The following RPTOR variants were observed in gnomAD, a reference collection of about 807,000 sequenced individuals.
The protein encoded by RPTOR is regulatory associated protein of MTOR complex 1, also known as regulatory-associated protein of mTOR.
RPTOR carries 21 observed loss-of-function variants against 169.9 expected under a neutral mutation model. The observed-to-expected ratio is 0.12, with a 90% CI of 0.09 to 0.18. RPTOR has a LOEUF of 0.18. Ranked by LOEUF, RPTOR falls within the 10% of genes least tolerant of loss-of-function variation. RPTOR has a pLI of 1.00. For missense variants in RPTOR, 1,133 were observed against 1,855.9 expected (o/e 0.61, Z 7.16); for synonymous variants, 732 against 753.2 (o/e 0.97, Z 0.46).
intron 1 of RPTOR, among the ~76,000 whole-genome samples, chr17:80,554,709 A>G (rs553717798): frequency 6.6e-6 from 1 of 152,058 alleles, no homozygotes; most frequent in South Asian, 2.1e-4. Context: ...GCGCCACTGC[A>G]CTCCAGCCTG....
intron 7 of RPTOR, among the ~76,000 whole-genome samples, chr17:80,809,476 C>A (rs569624291): frequency 2.8e-4 from 42 of 152,372 alleles, no homozygotes; most frequent in African/African-American, 9.9e-4. Flanking sequence ...CAGGCGTGAG[C>A]TACCGCGTCC....
At chr17:80,874,267 G>A (rs1033752074) in intron 13 of RPTOR, among the ~76,000 whole-genome samples, 1 of 151,336 alleles carries the variant, frequency 6.6e-6, no homozygotes. Context: ...CATGATCTCA[G>A]CTCACTGCAA....
chr17:80,927,112 G>A (rs149938381), intron 24 of RPTOR, among the ~76,000 whole-genome samples: 109 of 152,368 alleles, frequency 7.2e-4, no homozygotes, highest in African/African-American at 2.5e-3. Flanking sequence ...GGAATTGGAT[G>A]CAGGAAGCAG....
chr17:80,566,729 C>A (rs2064845703), intron 1 of RPTOR, among the ~76,000 whole-genome samples: 1 of 142,700 alleles, frequency 7.0e-6, no homozygotes, highest in Non-Finnish European at 1.5e-5. Flanking sequence ...GAGGCTGAGG[C>A]AGGAGAATGG....
intron 14 of RPTOR, 24 bp downstream of exon 14, chr17:80,880,513 C>A: frequency 6.2e-7 from 1 of 1,611,236 alleles, no homozygotes; most frequent in South Asian, 1.1e-5. Context: ...AGCACGCTCT[C>A]CACGGGCTTG....
chr17:80,662,938 G>A (rs1339950219), intron 3 of RPTOR, among the ~76,000 whole-genome samples: 1 of 152,190 alleles, frequency 6.6e-6, no homozygotes, highest in Non-Finnish European at 1.5e-5. Flanking sequence ...CTGCATCCGG[G>A]AATGGGTGAG....
intron 4 of RPTOR, among the ~76,000 whole-genome samples, chr17:80,719,268 G>C (rs1826875614): frequency 6.6e-6 from 1 of 152,166 alleles, no homozygotes; most frequent in Admixed American, 6.5e-5. Context: ...GGGAAGCCGG[G>C]AAGGGTACCT....
chr17:80,767,412 AT>A (rs143041133), intron 6 of RPTOR, among the ~76,000 whole-genome samples: 4,102 of 152,310 alleles, frequency 0.027, 188 homozygotes, highest in African/African-American at 0.094. Context: ...GAATAAGGGA[AT>A]CATTTTAATC....
At position 80,730,453 on chromosome 17, in the gene RPTOR, C is replaced by T; in HGVS notation, c.508-107C>T. The T allele has an allele frequency of 7.6e-7, 1 of 1,311,138 alleles. No homozygotes were observed. The highest frequency in any genetic ancestry group is 1.1e-6 in the Non-Finnish European group (1 of 928,890). The allele number at this position is 1,311,138 out of a possible 1,614,324, so 81.2% of individuals were successfully genotyped here. A position where few individuals can be genotyped will look rare whatever the true frequency, so the allele number is the denominator to read the frequency against. On this transcript the variant is annotated intron_variant, in intron 4 of 33. Transcript: ENST00000306801. This position sits in a 1 kb window ranked among gnomAD's most constrained non-coding sequence, Gnocchi z 4.2. ...GTATAAAGGCTAACTCAGCGTCTCT[C>T]CAGCCACCAGGCTCAATGTGTGTGC... is the stretch of plus-strand genomic sequence containing the variant.
chr17:80,760,533 C>A (rs2066726243), intron 6 of RPTOR, among the ~76,000 whole-genome samples: 1 of 152,064 alleles, frequency 6.6e-6, no homozygotes, highest in Non-Finnish European at 1.5e-5. Flanking sequence ...AACTCCTGAC[C>A]TCAGGTGATC....
chr17:80,964,048 G>A (rs1176723015), intron 33 of RPTOR, among the ~76,000 whole-genome samples: 3 of 152,160 alleles, frequency 2.0e-5, no homozygotes, highest in Non-Finnish European at 4.4e-5. Flanking sequence ...CGCAGGGCCC[G>A]GGGCAGCGCC....
chr17:80,919,003 A>C (rs1053121825), intron 21 of RPTOR, among the ~76,000 whole-genome samples: 1 of 152,138 alleles, frequency 6.6e-6, no homozygotes, highest in Non-Finnish European at 1.5e-5. Flanking sequence ...GGGTCTGAGG[A>C]GGGAAGGAGC....
rs372902260 is a variant in RPTOR, at chr17:80,730,744, G to C, written c.654+38G>C. 3 of 1,061,576 alleles carry C rather than the reference G, an allele frequency of 2.8e-6. No individual in the cohort carries two copies. In the African/African-American group the frequency reaches 4.9e-5, roughly 17 times the overall value. The allele number at this position is 1,061,576 out of a possible 1,614,324, so 65.8% of individuals were successfully genotyped here. On this transcript the variant is annotated intron_variant, in intron 5 of 33. Coordinates refer to ENST00000306801, the MANE Select transcript of RPTOR (RefSeq NM_020761.3). This position sits in a 1 kb window ranked among gnomAD's most constrained non-coding sequence, Gnocchi z 4.2. The stretch of plus-strand genomic sequence containing the variant: ...GTGCTTGGAGAGCGGTGCTGGGTTT[G>C]GTTTTGTTTTCCCTGGGGGTGGGGT...
chr17:80,670,908 C>A (rs930421579), intron 3 of RPTOR, among the ~76,000 whole-genome samples: 1 of 152,050 alleles, frequency 6.6e-6, no homozygotes, highest in African/African-American at 2.4e-5. Context: ...GGGGAGCACA[C>A]GCTCGTCCTT....
At chr17:80,952,946 C>G (rs1210329660) in intron 28 of RPTOR, among the ~76,000 whole-genome samples, 1 of 148,714 alleles carries the variant, frequency 6.7e-6, no homozygotes, top group African/African-American at 2.5e-5. Flanking sequence ...CTCACTGCAA[C>G]CTCCGCCTCC....
chr17:80,751,544 A>G (rs1401570245), intron 5 of RPTOR, among the ~76,000 whole-genome samples: 1 of 152,222 alleles, frequency 6.6e-6, no homozygotes, highest in Non-Finnish European at 1.5e-5. Flanking sequence ...ATGCAGACAC[A>G]GACACATTCT....
intron 13 of RPTOR, among the ~76,000 whole-genome samples, chr17:80,864,339 CTT>C (rs371884117): frequency 3.4e-5 from 5 of 148,782 alleles, no homozygotes; most frequent in South Asian, 2.1e-4. Flanking sequence ...CAGGTTTCTT[CTT>C]ACAGATTTCC....
At chr17:80,813,685 T>C (rs546415136) in intron 7 of RPTOR, among the ~76,000 whole-genome samples, 1 of 152,366 alleles carries the variant, frequency 6.6e-6, no homozygotes, top group Admixed American at 6.5e-5. Context: ...TCCCCTGACC[T>C]TGGCATGGAA....
intron 24 of RPTOR, among the ~76,000 whole-genome samples, chr17:80,930,420 T>C (rs202110980): frequency 0.091 from 126 of 1,378 alleles, no homozygotes; most frequent in African/African-American, 0.1. Flanking sequence ...CAGCTCATCC[T>C]CAGCTCATCC....
Sources: allele counts gnomAD v4.1 joint callset (sites outside exome capture counted in the v4.1 genomes callset), GRCh38; gene constraint gnomAD v4.1.1; non-coding constraint Gnocchi (gnomAD v3.1); transcripts MANE v1.5; gene names NCBI Gene and HGNC (gene_info 2026-07-23, HGNC 2026-07-21).